Variants in ROCK1 observed in about 807,000 individuals in gnomAD.
The protein encoded by ROCK1 is Rho associated coiled-coil containing protein kinase 1, also known as rho-associated protein kinase 1.
A neutral mutation model predicts 196.8 loss-of-function variants in ROCK1; 36 were observed. The ratio of observed to expected loss-of-function variants is 0.18; its 90% CI spans 0.14 to 0.24. The LOEUF (loss-of-function observed/expected upper bound fraction) is 0.24. Among genes scored for constraint, ROCK1 ranks in the 10% least tolerant of loss-of-function variants. The probability of loss-of-function intolerance (pLI) is 1.00; values close to 1 mark genes in which losing one functional copy is unlikely to be tolerated. For synonymous variants in ROCK1, 443 were observed against 515.9 expected, an observed-to-expected ratio of 0.86 and a Z score of 1.91; for missense variants, 920 against 1,562.0, an observed-to-expected ratio of 0.59 and a Z score of 6.93.
intron 13 of ROCK1, among the ~76,000 whole-genome samples, chr18:21,015,141 G>A (rs752236026): frequency 2.6e-5 from 4 of 151,538 alleles, no homozygotes; most frequent in Non-Finnish European, 5.9e-5. Flanking sequence ...ATTTCTGATC[G>A]CTTGCTTCTC....
chr18:21,009,103 A>C (rs1305290287), intron 13 of ROCK1, among the ~76,000 whole-genome samples: 2 of 149,496 alleles, frequency 1.3e-5, no homozygotes, highest in Non-Finnish European at 3.0e-5. Flanking sequence ...CATTTCTATA[A>C]TTTTGTCTTT....
intron 16 of ROCK1, 116 bp from the exon 17 acceptor site, chr18:20,993,053 A>G: frequency 1.7e-6 from 1 of 596,330 alleles, no homozygotes; most frequent in South Asian, 2.3e-5. Context: ...TCCTGATCCG[A>G]TAAGATTTTA....
intron 2 of ROCK1, among the ~76,000 whole-genome samples, chr18:21,055,739 C>T (rs2036240778): frequency 6.6e-6 from 1 of 152,174 alleles, no homozygotes; most frequent in Admixed American, 6.5e-5. Context: ...GATCTCATTT[C>T]TCTCAGCAGC....
At chr18:20,989,205 G>A (rs2035602013) in intron 18 of ROCK1, among the ~76,000 whole-genome samples, 1 of 152,218 alleles carries the variant, frequency 6.6e-6, no homozygotes, top group Non-Finnish European at 1.5e-5. Flanking sequence ...GTGATGTTCA[G>A]TAGCCAAGAT....
intron 16 of ROCK1, among the ~76,000 whole-genome samples, chr18:20,997,500 G>C (rs1279954776): frequency 6.6e-6 from 1 of 152,136 alleles, no homozygotes; most frequent in African/African-American, 2.4e-5. Flanking sequence ...ATATAAAGCA[G>C]ATATTGTTAG....
intron 13 of ROCK1, among the ~76,000 whole-genome samples, chr18:21,012,168 C>T (rs577700832): frequency 7.2e-4 from 109 of 152,300 alleles, no homozygotes; most frequent in African/African-American, 2.5e-3. Context: ...CCAGGCTGGT[C>T]TTAAACTTCT....
At chr18:21,066,469 A>G (rs144840230) in intron 2 of ROCK1, among the ~76,000 whole-genome samples, 1 of 152,342 alleles carries the variant, frequency 6.6e-6, no homozygotes, top group East Asian at 1.9e-4. Flanking sequence ...GTTTGTTAAT[A>G]TAACTAATAA....
chr18:21,072,881 G>A (rs748188885), intron 1 of ROCK1, among the ~76,000 whole-genome samples: 1 of 151,876 alleles, frequency 6.6e-6, no homozygotes, highest in Non-Finnish European at 1.5e-5. Flanking sequence ...GACCAGCCTG[G>A]CCAAAATGGT....
chr18:20,979,452 T>A (rs922409946), intron 22 of ROCK1, among the ~76,000 whole-genome samples: 2 of 151,990 alleles, frequency 1.3e-5, no homozygotes, highest in African/African-American at 4.8e-5. Flanking sequence ...TGAAACCCTG[T>A]CTCTACTAAA....
At chr18:21,091,830 C>T (rs1175428729) in intron 1 of ROCK1, among the ~76,000 whole-genome samples, 6 of 151,680 alleles carry the variant, frequency 4.0e-5, no homozygotes, top group African/African-American at 7.3e-5. Context: ...ATTAGCCCAG[C>T]GTGGTGTCGT....
chr18:21,054,076 G>A (rs1431548299), intron 2 of ROCK1, among the ~76,000 whole-genome samples: 2 of 152,110 alleles, frequency 1.3e-5, no homozygotes, highest in African/African-American at 4.8e-5. Context: ...AACAAAAGCA[G>A]CTATACACAA....
intron 20 of ROCK1, among the ~76,000 whole-genome samples, 183 bp from the exon 21 acceptor site, chr18:20,983,015 T>C (rs2035547136): frequency 1.3e-5 from 2 of 152,122 alleles, no homozygotes; most frequent in African/African-American, 4.8e-5. Flanking sequence ...GGTTCTATCT[T>C]GCTCCTTATA....
At position 20,969,192 on chromosome 18, in the gene ROCK1, C is replaced by G; in HGVS notation, c.2837G>C (p.Ser946Thr). The change falls in exon 24 of 33, where the codon AGC becomes ACC. Residue 946 changes from serine to threonine, a missense_variant. Physicochemically the swap from Ser to Thr is moderately conservative, Grantham distance 58. Transcript: ENST00000399799. ...HTVSRLEEAN[S>T]MLTKDIEILR... ...TATTTCAATATCTTTGGTTAGCATG[C>G]TGTTTGCTTCTTCAAGCTAAACAAA... 1 of 1,600,972 alleles carries G rather than the reference C, an allele frequency of 6.2e-7. No individual in the cohort carries two copies. The highest frequency in any genetic ancestry group is 8.5e-7 in the Non-Finnish European group (1 of 1,176,466).
At chr18:21,029,250 A>G (rs955859609) in intron 9 of ROCK1, among the ~76,000 whole-genome samples, 3 of 152,208 alleles carry the variant, frequency 2.0e-5, no homozygotes, top group Non-Finnish European at 2.9e-5. Context: ...AATACACAAA[A>G]GCATTCGGGA....
At position 21,042,723 on chromosome 18, in the gene ROCK1, CAGGTCAAATTTTGAATTAGGATAT is replaced by C; in HGVS notation, c.676-38_676-15del. On this transcript the variant is annotated splice_polypyrimidine_tract_variant and intron_variant, in intron 6 of 32. Coordinates refer to ENST00000399799, the MANE Select transcript of ROCK1 (RefSeq NM_005406.3). ...TACCATGCCTTCCTAAAAAGCGCGG[CAGGTCAAATTTTGAATTAGGATAT>C]AAAGTCTCAATTATTTAAAATGACT... 6.3e-7 allele frequency: 1 copy of C among 1,580,948 alleles called. No individual in the cohort carries two copies. The highest frequency in any genetic ancestry group is 8.6e-7 in the Non-Finnish European group (1 of 1,164,884).
intron 21 of ROCK1, 91 bp downstream of exon 21, chr18:20,982,672 A>G (rs140186211): frequency 3.8e-5 from 24 of 628,588 alleles, no homozygotes; most frequent in East Asian, 2.8e-4. Flanking sequence ...GTCATTTGAA[A>G]AAGAATTACA....
chr18:21,043,582 G>T (rs1476735383), intron 6 of ROCK1, among the ~76,000 whole-genome samples: 1 of 146,690 alleles, frequency 6.8e-6, no homozygotes, highest in East Asian at 2.0e-4. Flanking sequence ...TAATGTATAT[G>T]TATATACATA....
chr18:21,106,827 A>G (rs2036707101), intron 1 of ROCK1, among the ~76,000 whole-genome samples: 1 of 152,176 alleles, frequency 6.6e-6, no homozygotes. Context: ...GAACTTACTT[A>G]GTTCTTGAAA....
Position 21,042,653 on chromosome 18 carries a change from T to C in ROCK1, c.732A>G (p.Glu244=), listed in dbSNP as rs993772737. 6 of 1,613,812 alleles carry C rather than the reference T, an allele frequency of 3.7e-6. No homozygotes were observed. The African/African-American group carries it at 4.0e-5, about 11-fold the overall frequency. Residue 244 remains glutamate (E), a synonymous_variant, in exon 7 of 33, where the codon GAA becomes GAG. Coordinates refer to ENST00000399799, the MANE Select transcript of ROCK1 (RefSeq NM_005406.3). ...CATCACCACCTTGGGATTTTAATAC[T>C]TCAGGGGAAATATAATCAGGTGTTC... ...AVGTPDYISP[E]VLKSQGGDGY...
Sources: allele counts gnomAD v4.1 joint callset (sites outside exome capture counted in the v4.1 genomes callset), GRCh38; gene constraint gnomAD v4.1.1; transcripts MANE v1.5; gene names NCBI Gene and HGNC (gene_info 2026-07-23, HGNC 2026-07-21).